The following KCNAB1 variants were observed in gnomAD, a reference collection of about 807,000 sequenced individuals.
The protein encoded by KCNAB1 is potassium voltage-gated channel subfamily A regulatory beta subunit 1, also known as voltage-gated potassium channel subunit beta-1.
KCNAB1 carries 35 observed loss-of-function variants against 64.6 expected under a neutral mutation model. The observed-to-expected ratio is 0.54, with a 90% confidence interval of 0.41 to 0.72. The LOEUF (loss-of-function observed/expected upper bound fraction) is 0.72. Ranked by LOEUF, KCNAB1 falls within the 30% of genes least tolerant of loss-of-function variation. The probability of loss-of-function intolerance (pLI) is 0.00; values close to 1 mark genes in which losing one functional copy is unlikely to be tolerated. For synonymous variants in KCNAB1, 177 were observed against 183.8 expected (o/e 0.96, Z 0.30); for missense variants, 401 against 512.9 (o/e 0.78, Z 2.11).
chr3:156,129,519 G>A (rs1008251210), intron 1 of KCNAB1, among the ~76,000 whole-genome samples: 1 of 152,170 alleles, frequency 6.6e-6, no homozygotes, highest in Non-Finnish European at 1.5e-5. Flanking sequence ...TATAAGCTCT[G>A]ATATCAGGCT....
rs183519894 is a variant in KCNAB1, at chr3:156,228,564, C to T, written c.275+107678C>T. ...GGTTCTATCATGTTCCACTAGAGAC[C>T]GCTGCAGGTGTGCTAGAGCTTGGAG... On this transcript the variant is annotated intron_variant, in intron 1 of 13. Coordinates refer to ENST00000490337, the MANE Select transcript of KCNAB1 (RefSeq NM_172160.3). Among the ~76,000 whole-genome samples, 79 of 152,280 alleles carry T rather than the reference C, an allele frequency of 5.2e-4. 1 individual carries two copies. The East Asian group carries it at 5.8e-3, about 11-fold the overall frequency.
At chr3:156,284,210 G>A (rs569597486) in intron 1 of KCNAB1, among the ~76,000 whole-genome samples, 3 of 152,248 alleles carry the variant, frequency 2.0e-5, no homozygotes, top group Admixed American at 6.5e-5. Flanking sequence ...CTGCAGGTCT[G>A]TTGGAGTACC....
chr3:156,311,987 C>T (rs1412817197), intron 1 of KCNAB1, among the ~76,000 whole-genome samples: 4 of 152,306 alleles, frequency 2.6e-5, no homozygotes, highest in East Asian at 3.9e-4. Context: ...CTTTGGAGCA[C>T]CCCACTCATC....
chr3:156,291,659 T>C (rs1720432364), intron 1 of KCNAB1: 1 of 1,383,818 alleles, frequency 7.2e-7, no homozygotes, highest in East Asian at 2.8e-5. Flanking sequence ...CTCCAGCTGC[T>C]GTGACAACTT....
At chr3:156,404,614 A>C (rs756121046) in intron 1 of KCNAB1, among the ~76,000 whole-genome samples, 1 of 152,224 alleles carries the variant, frequency 6.6e-6, no homozygotes, top group South Asian at 2.1e-4. Context: ...CAAGCATTAA[A>C]TGTATGCACA....
At chr3:156,259,831 G>A (rs1008113465) in intron 1 of KCNAB1, among the ~76,000 whole-genome samples, 2 of 152,158 alleles carry the variant, frequency 1.3e-5, no homozygotes, top group African/African-American at 4.8e-5. Context: ...TGCCTTGACT[G>A]CTTTGTCGCC....
At chr3:156,353,508 C>T (rs377244022) in intron 1 of KCNAB1, among the ~76,000 whole-genome samples, 1 of 152,216 alleles carries the variant, frequency 6.6e-6, no homozygotes, top group East Asian at 1.9e-4. Flanking sequence ...CATTTAATGT[C>T]TCACAGTTTC....
At chr3:156,498,913 C>T (rs1576943551) in intron 8 of KCNAB1, among the ~76,000 whole-genome samples, 1 of 152,288 alleles carries the variant, frequency 6.6e-6, no homozygotes, top group East Asian at 1.9e-4. Context: ...CAGTATGATC[C>T]TGAAGACAAA....
chr3:156,420,434 C>T (rs1715395299), intron 1 of KCNAB1, among the ~76,000 whole-genome samples: 1 of 152,098 alleles, frequency 6.6e-6, no homozygotes, highest in Admixed American at 6.5e-5. Context: ...ATTTTATAGA[C>T]AACATTAATA....
intron 1 of KCNAB1, among the ~76,000 whole-genome samples, chr3:156,244,518 C>T (rs527461573): frequency 1.3e-5 from 2 of 152,188 alleles, no homozygotes; most frequent in African/African-American, 4.8e-5. Flanking sequence ...GGTCACTGTT[C>T]TGACTGCCAC....
At chr3:156,394,659 G>A (rs891503240) in intron 1 of KCNAB1, among the ~76,000 whole-genome samples, 2 of 152,220 alleles carry the variant, frequency 1.3e-5, no homozygotes, top group African/African-American at 4.8e-5. Flanking sequence ...CCATATAGAT[G>A]ACGTTAAGCT....
chr3:156,212,028 T>C (rs934578284), intron 1 of KCNAB1, among the ~76,000 whole-genome samples: 4 of 152,184 alleles, frequency 2.6e-5, no homozygotes, highest in Non-Finnish European at 4.4e-5. Flanking sequence ...TATCTGATGA[T>C]ACTGATGAGC....
chr3:156,151,504 A>G (rs1715409027), intron 1 of KCNAB1, among the ~76,000 whole-genome samples: 1 of 152,212 alleles, frequency 6.6e-6, no homozygotes. Flanking sequence ...AATTTCAAAC[A>G]TAAGGAAAAG....
intron 1 of KCNAB1, among the ~76,000 whole-genome samples, chr3:156,238,937 A>G (rs1220616149): frequency 6.6e-5 from 10 of 152,214 alleles, no homozygotes; most frequent in Non-Finnish European, 1.2e-4. Context: ...TGAGGCTGCT[A>G]GGAAATTAAT....
intron 1 of KCNAB1, among the ~76,000 whole-genome samples, chr3:156,239,592 C>A (rs1472148188): frequency 6.6e-6 from 1 of 152,182 alleles, no homozygotes; most frequent in Non-Finnish European, 1.5e-5. Context: ...AGCGCTGGGG[C>A]CTCTGGGAAT....
chr3:156,312,715 A>AAAAAAAAAAC lies in KCNAB1; in HGVS notation c.276-108892_276-108891insCAAAAAAAAA, dbSNP rs1481713154. ...GTGAGACTGTCTCCAAAAAAAAAAA[A>AAAAAAAAAAC]AAAAAAAAAAAAAAAACTCATAATA... On this transcript the variant is annotated intron_variant, in intron 1 of 13. Transcript: ENST00000490337. Among the ~76,000 whole-genome samples the AAAAAAAAAAC allele has an allele frequency of 2.7e-5, 4 of 150,462 alleles. No homozygotes were observed. In the East Asian group the frequency reaches 5.8e-4, roughly 22 times the overall value.
intron 1 of KCNAB1, among the ~76,000 whole-genome samples, chr3:156,217,426 A>G (rs1715396420): frequency 6.6e-6 from 1 of 152,260 alleles, no homozygotes; most frequent in South Asian, 2.1e-4. Context: ...TACGAAAAAA[A>G]ATCATTTCCC....
At chr3:156,368,117 A>T (rs974058278) in intron 1 of KCNAB1, among the ~76,000 whole-genome samples, 2 of 152,366 alleles carry the variant, frequency 1.3e-5, no homozygotes, top group South Asian at 4.1e-4. Flanking sequence ...TGCCCAGTTA[A>T]ATTTGGATTT....
chr3:156,437,581 G>A (rs779949365), intron 2 of KCNAB1, among the ~76,000 whole-genome samples: 1 of 152,084 alleles, frequency 6.6e-6, no homozygotes, highest in Non-Finnish European at 1.5e-5. Context: ...GGTGGCCCTT[G>A]TAATCTTGTC....
Sources: gnomAD v4.1 joint callset for allele counts (sites outside exome capture counted in the v4.1 genomes callset) on GRCh38, gnomAD v4.1.1 for gene constraint, MANE v1.5 for transcripts, NCBI Gene and HGNC (gene_info 2026-07-23, HGNC 2026-07-21) for gene names.